The following ELP4 variants were observed in gnomAD, a reference collection of about 807,000 sequenced individuals.
The protein encoded by ELP4 is elongator acetyltransferase complex subunit 4, also known as elongator complex protein 4.
A neutral mutation model predicts 48.9 loss-of-function variants in ELP4; 51 were observed. That is an observed-to-expected ratio of 1.04 (90% CI 0.83 to 1.32). ELP4 has a LOEUF of 1.32. Among genes scored for constraint, ELP4 ranks in the 40% most tolerant of loss-of-function variants. ELP4 has a pLI of 0.00. For synonymous variants in ELP4, 210 were observed against 189.2 expected, an observed-to-expected ratio of 1.11 and a Z score of -0.90; for missense variants, 519 against 514.6, an observed-to-expected ratio of 1.01 and a Z score of -0.08.
At chr11:31,600,275 T>C (rs980963783) in intron 4 of ELP4, 1 of 152,160 alleles carries the variant, frequency 6.6e-6, no homozygotes, top group African/African-American at 2.4e-5. Context: ...CCCTATCTTA[T>C]AATCATCAAC....
At chr11:31,596,540 T>G (rs752804438) in intron 4 of ELP4, among the ~76,000 whole-genome samples, 49 of 152,222 alleles carry the variant, frequency 3.2e-4, no homozygotes, top group Non-Finnish European at 5.7e-4. Flanking sequence ...GCACTTATGC[T>G]AATGCTCTTT....
intron 9 of ELP4, among the ~76,000 whole-genome samples, chr11:31,658,845 T>C (rs897097061): frequency 5.9e-5 from 9 of 152,068 alleles, no homozygotes; most frequent in Non-Finnish European, 1.2e-4. Context: ...TCCTCCCCTG[T>C]CATCATAACT....
At chr11:31,529,135 T>C (rs1388806914) in intron 2 of ELP4, among the ~76,000 whole-genome samples, 2 of 151,738 alleles carry the variant, frequency 1.3e-5, no homozygotes, top group African/African-American at 4.8e-5. Context: ...AAAAAAGTTA[T>C]TATGAGGATT....
At chr11:31,640,136 A>G (rs2134058594) in intron 7 of ELP4, among the ~76,000 whole-genome samples, 1 of 152,090 alleles carries the variant, frequency 6.6e-6, no homozygotes, top group East Asian at 1.9e-4. Context: ...CTACATGAAT[A>G]TGGTAGGAGA....
intron 4 of ELP4, chr11:31,600,364 T>C (rs1233612410): frequency 6.6e-6 from 1 of 152,172 alleles, no homozygotes; most frequent in Non-Finnish European, 1.5e-5. Context: ...TGTAGAGCTC[T>C]AATACCATGA....
chr11:31,603,690 G>A, intron 4 of ELP4, 78 bp from the exon 5 acceptor site: 1 of 1,457,896 alleles, frequency 6.9e-7, no homozygotes. Flanking sequence ...ATATGCCATT[G>A]TTTTGCTGGA....
At chr11:31,669,778 C>CTA (rs532090601) in intron 9 of ELP4, among the ~76,000 whole-genome samples, 54 of 152,272 alleles carry the variant, frequency 3.5e-4, no homozygotes, top group African/African-American at 1.2e-3. Flanking sequence ...TTCCCGCTCT[C>CTA]TATATGGGTC....
intron 2 of ELP4, among the ~76,000 whole-genome samples, chr11:31,520,601 C>T (rs1248335988): frequency 6.6e-6 from 1 of 151,766 alleles, no homozygotes; most frequent in Admixed American, 6.6e-5. Flanking sequence ...ATATATAGGT[C>T]ACAGAATCTT....
chr11:31,622,103 C>CT (rs1179180056), intron 5 of ELP4, among the ~76,000 whole-genome samples: 3 of 151,714 alleles, frequency 2.0e-5, no homozygotes, highest in African/African-American at 7.3e-5. Flanking sequence ...GTACCAAACA[C>CT]TTTATCAGTT....
chr11:31,587,226 A>G (rs904069192), intron 3 of ELP4, among the ~76,000 whole-genome samples: 2 of 152,214 alleles, frequency 1.3e-5, no homozygotes, highest in African/African-American at 4.8e-5. Flanking sequence ...AGGTAACTCA[A>G]GAAAGGTGGA....
intron 9 of ELP4, among the ~76,000 whole-genome samples, chr11:31,684,426 C>T (rs1323784971): frequency 6.6e-6 from 1 of 152,062 alleles, no homozygotes; most frequent in Non-Finnish European, 1.5e-5. Flanking sequence ...AGGCTGGTCT[C>T]GAACTCCTGA....
chr11:31,534,313 AAG>A (rs1381097898), intron 2 of ELP4, among the ~76,000 whole-genome samples: 1 of 146,414 alleles, frequency 6.8e-6, no homozygotes. Context: ...GAGAGAGAGA[AAG>A]AGGAGATATT....
At chr11:31,766,033 A>T (rs1301037403) in intron 9 of ELP4, among the ~76,000 whole-genome samples, 1 of 152,046 alleles carries the variant, frequency 6.6e-6, no homozygotes, top group Non-Finnish European at 1.5e-5. Flanking sequence ...TAGTTTATAA[A>T]CTGTGACTGT....
chr11:31,763,414 G>T (rs1233272664), intron 9 of ELP4: 1 of 1,606,582 alleles, frequency 6.2e-7, no homozygotes. Flanking sequence ...GAGGCAGTGG[G>T]TGCAAGACAA....
intron 5 of ELP4, among the ~76,000 whole-genome samples, chr11:31,606,835 C>T (rs2134006755): frequency 6.6e-6 from 1 of 152,276 alleles, no homozygotes; most frequent in Non-Finnish European, 1.5e-5. Flanking sequence ...TGTCGTCTTT[C>T]TTACTGATTA....
intron 9 of ELP4, among the ~76,000 whole-genome samples, chr11:31,706,123 A>T (rs975442889): frequency 5.3e-5 from 8 of 152,254 alleles, no homozygotes; most frequent in East Asian, 1.9e-4. Context: ...TTTACTTTTT[A>T]AATTGACATA....
intron 3 of ELP4, among the ~76,000 whole-genome samples, chr11:31,571,805 A>AT (rs1349804629): frequency 6.6e-6 from 1 of 152,134 alleles, no homozygotes; most frequent in Non-Finnish European, 1.5e-5. Context: ...TTTTGAAAGG[A>AT]TTGTTTTTTC....
intron 5 of ELP4, among the ~76,000 whole-genome samples, chr11:31,610,894 T>G (rs1957967033): frequency 6.6e-6 from 1 of 152,180 alleles, no homozygotes; most frequent in Non-Finnish European, 1.5e-5. Flanking sequence ...CCTTCCAGAT[T>G]TCTGCCCTTA....
At chr11:31,697,354 CA>C (rs1476300029) in intron 9 of ELP4, among the ~76,000 whole-genome samples, 3 of 152,044 alleles carry the variant, frequency 2.0e-5, no homozygotes, top group Non-Finnish European at 4.4e-5. Flanking sequence ...TTCTCTACAT[CA>C]GGGCTTTCAT....
Sources: gnomAD v4.1 joint callset for allele counts (sites outside exome capture counted in the v4.1 genomes callset) on GRCh38, gnomAD v4.1.1 for gene constraint, MANE v1.5 for transcripts, NCBI Gene and HGNC (gene_info 2026-07-23, HGNC 2026-07-21) for gene names.